ZNF322: variants seen among roughly 807,000 people sequenced by gnomAD.
ZNF322 encodes the protein zinc finger protein 322, also known as HLA complex group 12.
A neutral mutation model predicts 18.3 loss-of-function variants in ZNF322; 1 was observed. The ratio of observed to expected loss-of-function variants is 0.05; its 90% CI spans 0.02 to 0.26. The LOEUF (loss-of-function observed/expected upper bound fraction) is 0.26. Ranked by LOEUF, ZNF322 falls within the 10% of genes least tolerant of loss-of-function variation. ZNF322 has a pLI of 1.00. For missense variants in ZNF322, 36 were observed against 403.6 expected, an observed-to-expected ratio of 0.09 and a Z score of 7.80; for synonymous variants, 17 against 130.7, an observed-to-expected ratio of 0.13 and a Z score of 5.93.
intron 3 of ZNF322, among the ~76,000 whole-genome samples, chr6:26,638,988 C>T (rs1765418981): frequency 2.0e-5 from 3 of 152,148 alleles, no homozygotes; most frequent in Admixed American, 1.3e-4. Flanking sequence ...TCTTTCCTTG[C>T]TTCAGTTGAG....
intron 3 of ZNF322, among the ~76,000 whole-genome samples, chr6:26,640,387 T>C (rs11752310): frequency 0.013 from 1,991 of 152,306 alleles, 24 homozygotes; most frequent in Non-Finnish European, 0.02. Flanking sequence ...CCAGTCACCC[T>C]GAGTCTTTGC....
chr6:26,659,011 C>T (rs1365287766), intron 1 of ZNF322, among the ~76,000 whole-genome samples: 1 of 152,018 alleles, frequency 6.6e-6, no homozygotes, highest in African/African-American at 2.4e-5. Flanking sequence ...ACTACAAACC[C>T]CAAAGTGCAT....
chr6:26,659,563 T>A lies in ZNF322; in HGVS notation c.-457A>T, dbSNP rs1765846989. 1 of 166,636 alleles carries A rather than the reference T, an allele frequency of 6.0e-6. No homozygotes were observed. Among genetic ancestry groups the A allele is most frequent in the South Asian group, 2.1e-4 (1 of 4,836 alleles). 10.3% of individuals were successfully genotyped at this position (166,636 alleles called of 1,614,324 possible). A position where few individuals can be genotyped will look rare whatever the true frequency, so the allele number is the denominator to read the frequency against. ...CGATAGTAGATCTAAGGGCCAGGCT[T>A]CGGGAAGGAAAGAAAAGCGAACCCG... On this transcript the variant is annotated 5_prime_UTR_variant, in exon 1 of 4. Transcript: ENST00000415922.
chr6:26,643,776 A>T (rs1300665771), intron 2 of ZNF322, 48 bp from the exon 3 acceptor site: 1 of 153,248 alleles, frequency 6.5e-6, no homozygotes, highest in East Asian at 1.9e-4. Context: ...GAGAGAATTT[A>T]GCACTAGATC....
chr6:26,644,798 C>CTATT (rs1554148581), intron 2 of ZNF322, among the ~76,000 whole-genome samples: 1 of 152,044 alleles, frequency 6.6e-6, no homozygotes, highest in Admixed American at 6.5e-5. Context: ...ATTTATTTAT[C>CTATT]TATTTATTTA....
At chr6:26,642,172 G>A (rs545145870) in intron 3 of ZNF322, among the ~76,000 whole-genome samples, 1 of 152,294 alleles carries the variant, frequency 6.6e-6, no homozygotes, top group South Asian at 2.1e-4. Context: ...TCCAGGCACA[G>A]CACCTTTCCT....
intron 2 of ZNF322, chr6:26,650,483 A>T (rs1476820088): frequency 6.6e-6 from 1 of 152,224 alleles, no homozygotes; most frequent in Admixed American, 6.5e-5. Context: ...TATAGAGATT[A>T]GGAAGGAAGA....
At chr6:26,640,624 T>C (rs549637087) in intron 3 of ZNF322, among the ~76,000 whole-genome samples, 2 of 152,282 alleles carry the variant, frequency 1.3e-5, no homozygotes, top group African/African-American at 4.8e-5. Context: ...CTCCTCTCCT[T>C]TCCTATTTTG....
intron 3 of ZNF322, among the ~76,000 whole-genome samples, chr6:26,639,121 A>C (rs181969844): frequency 3.3e-5 from 5 of 152,330 alleles, no homozygotes; most frequent in African/African-American, 1.2e-4. Context: ...GTTAATGATC[A>C]TTAGAATTCC....
chr6:26,654,550 A>C (rs1053656143), intron 2 of ZNF322, among the ~76,000 whole-genome samples: 1 of 152,206 alleles, frequency 6.6e-6, no homozygotes, highest in Non-Finnish European at 1.5e-5. Context: ...GGATGGAAGG[A>C]CTGCCACTGT....
chr6:26,659,513 G>C lies in ZNF322; in HGVS notation c.-407C>G, dbSNP rs527717409. 2.0e-3 allele frequency: 327 copies of C among 166,784 alleles called. 2 individuals carry two copies. Among genetic ancestry groups the C allele is most frequent in the Non-Finnish European group, 5.9e-5 (4 of 68,118 alleles). The allele number at this position is 166,784 out of a possible 1,614,324, so 10.3% of individuals were successfully genotyped here. ...GTTACTCTCCGGACACTCGAATCTG[G>C]GCTTCCTGGCGGCCGCAGACTCTGC... On this transcript the variant is annotated 5_prime_UTR_variant, in exon 1 of 4. Coordinates refer to ENST00000415922, the MANE Select transcript of ZNF322 (RefSeq NM_024639.5).
intron 2 of ZNF322, among the ~76,000 whole-genome samples, chr6:26,655,179 T>G (rs1554149593): frequency 6.6e-6 from 1 of 152,240 alleles, no homozygotes. Flanking sequence ...ATTAAATGAC[T>G]GATGCTGAAT....
Position 26,638,442 on chromosome 6 carries a change from T to C in ZNF322, c.112A>G (p.Ile38Val), listed in dbSNP as rs1554148024. The part of the protein sequence containing the change: ...IFIHMHEIIQ[I>V]DGHIYQCLEC... ...AGGCACTGGTATATATGACCATCTATCTGAATAATCTCATGCATATGAATA... is the reference window on the plus strand; with the variant it reads ...AGGCACTGGTATATATGACCATCTACCTGAATAATCTCATGCATATGAATA... Residue 38 changes from isoleucine (I) to valine (V), a missense_variant, in exon 4 of 4, where the codon ATA becomes GTA. Transcript: ENST00000415922. The C allele has an allele frequency of 1.9e-6, 3 of 1,613,736 alleles. No individual in the cohort carries two copies. The Admixed American group carries it at 5.0e-5, about 27-fold the overall frequency.
Position 26,638,652 on chromosome 6 carries a change from T to C in ZNF322, c.-99A>G, listed in dbSNP as rs1287641744. ...GATAAGAACTTGGAAGATACATCTG[T>C]TTCAGGCCTTTCAATCATGAGCCTC... On this transcript the variant is annotated 5_prime_UTR_variant, in exon 4 of 4. Coordinates refer to ENST00000415922, the MANE Select transcript of ZNF322 (RefSeq NM_024639.5). 2.5e-6 allele frequency: 2 copies of C among 807,146 alleles called. No individual in the cohort carries two copies. Among genetic ancestry groups the C allele is most frequent in the African/African-American group, 3.4e-5 (2 of 59,560 alleles). 50.0% of individuals were successfully genotyped at this position (807,146 alleles called of 1,614,324 possible).
intron 2 of ZNF322, among the ~76,000 whole-genome samples, chr6:26,644,857 T>C (rs1370981497): frequency 1.3e-5 from 2 of 152,250 alleles, no homozygotes; most frequent in African/African-American, 4.8e-5. Flanking sequence ...TGTGCAGTTT[T>C]GTTACATAGG....
At chr6:26,655,323 G>A (rs573978078) in intron 2 of ZNF322, among the ~76,000 whole-genome samples, 8 of 152,282 alleles carry the variant, frequency 5.3e-5, no homozygotes, top group South Asian at 2.1e-4. Context: ...TCCTGACTCC[G>A]ATAATGGTAA....
rs1765360543 is a variant in ZNF322 at position 26,636,746 on chromosome 6, G to C, written c.*599C>G. ...TTCAGACACTTGCAGTCTTTCCTCA[G>C]ATTGGGTTTTTTTTTTTGGGTGCAA... On this transcript the variant is annotated 3_prime_UTR_variant, in exon 4 of 4. Coordinates refer to ENST00000415922, the MANE Select transcript of ZNF322 (RefSeq NM_024639.5). 1.4e-5 allele frequency: 1 copy of C among 72,036 alleles called. No individual in the cohort carries two copies. 4.5% of individuals were successfully genotyped at this position (72,036 alleles called of 1,614,324 possible). A position where few individuals can be genotyped will look rare whatever the true frequency, so the allele number is the denominator to read the frequency against.
At chr6:26,653,272 G>C (rs1765706129) in intron 2 of ZNF322, among the ~76,000 whole-genome samples, 1 of 152,188 alleles carries the variant, frequency 6.6e-6, no homozygotes, top group Non-Finnish European at 1.5e-5. Context: ...CGTTGCTGGA[G>C]GGAATGCATA....
At chr6:26,656,601 A>G (rs1218833081) in intron 2 of ZNF322, among the ~76,000 whole-genome samples, 1 of 152,190 alleles carries the variant, frequency 6.6e-6, no homozygotes, top group South Asian at 2.1e-4. Flanking sequence ...AAGAATTCCA[A>G]CTCAGAATCA....
Sources: gnomAD v4.1 joint callset for allele counts (sites outside exome capture counted in the v4.1 genomes callset) on GRCh38, gnomAD v4.1.1 for gene constraint, MANE v1.5 for transcripts, NCBI Gene and HGNC (gene_info 2026-07-23, HGNC 2026-07-21) for gene names.